TASP1: variants seen among roughly 807,000 people sequenced by gnomAD.
TASP1 encodes threonine aspartase 1.
Under a neutral mutation model 56.6 loss-of-function variants are expected in TASP1, and 16 were observed. That is an observed-to-expected ratio of 0.28 (90% CI 0.19 to 0.43). TASP1 has a LOEUF of 0.43. Ranked by LOEUF, TASP1 falls within the 20% of genes least tolerant of loss-of-function variation. The pLI, the probability that TASP1 is intolerant of heterozygous loss-of-function variation, is 1.00. For missense variants in TASP1, 393 were observed against 511.6 expected (o/e 0.77, Z 2.24); for synonymous variants, 179 against 184.2 (o/e 0.97, Z 0.23).
the TASP1 span, among the ~76,000 whole-genome samples, chr20:13,157,171 C>T: frequency 6.6e-6 from 1 of 151,824 alleles, no homozygotes; most frequent in Non-Finnish European, 1.5e-5. Flanking sequence ...GGTACGGTAG[C>T]TCATGCCTGT....
Position 13,470,391 on chromosome 20 carries a change from G to A in TASP1, c.985+12836C>T, listed in dbSNP as rs550472814. Among the ~76,000 whole-genome samples, 22 of 152,068 alleles carry A rather than the reference G, an allele frequency of 1.4e-4. No individual in the cohort carries two copies. The South Asian group carries it at 3.5e-3, about 24-fold the overall frequency. On this transcript the variant is annotated intron_variant, in intron 11 of 13. Coordinates refer to ENST00000337743, the MANE Select transcript of TASP1 (RefSeq NM_017714.3). ...TATTCTTGAAGGCTCTTATAAAACC[G>A]CATTCATTTTCTAAGTGACTGATAT...
downstream of TASP1, among the ~76,000 whole-genome samples, chr20:13,386,114 A>C (rs1404519627): frequency 6.6e-6 from 1 of 152,236 alleles, no homozygotes; most frequent in African/African-American, 2.4e-5. Flanking sequence ...GCATTGTCAT[A>C]GATTTCCCCA....
chr20:13,434,935 A>T (rs2042950658), intron 12 of TASP1, 109 bp downstream of exon 12: 1 of 679,018 alleles, frequency 1.5e-6, no homozygotes, highest in Non-Finnish European at 2.5e-6. Context: ...TCAATAAAGC[A>T]TGCTGACCCT....
the TASP1 span, among the ~76,000 whole-genome samples, chr20:13,378,910 T>C: frequency 2.4e-3 from 370 of 152,344 alleles, no homozygotes; most frequent in African/African-American, 8.7e-3. Context: ...GCTTTATTTT[T>C]GCTTTCAGTT....
chr20:13,146,415 G>A, the TASP1 span, among the ~76,000 whole-genome samples: 8 of 151,824 alleles, frequency 5.3e-5, no homozygotes, highest in Admixed American at 3.9e-4. Context: ...CATGTACCCC[G>A]AAACCTAAAA....
At position 13,494,123 on chromosome 20, in the gene TASP1, G is replaced by A. The variant is rs6074614; in HGVS notation, c.875-10786C>T. Reference sequence around the variant, plus strand: ...AGCCATAAAAGAAGCAACACTGTTTGTAATGTTCAGTTGATGCTCTTGTCA... The same window carrying A: ...AGCCATAAAAGAAGCAACACTGTTTATAATGTTCAGTTGATGCTCTTGTCA... On this transcript the variant is annotated intron_variant, in intron 10 of 13. Transcript: ENST00000337743. Among the ~76,000 whole-genome samples the A allele has an allele frequency of 7.2e-3, 1,104 of 152,340 alleles. 12 individuals carry two copies. The highest frequency in any genetic ancestry group is 0.011 in the Non-Finnish European group (779 of 68,036).
At chr20:13,281,573 A>G in the TASP1 span, among the ~76,000 whole-genome samples, 2 of 152,180 alleles carry the variant, frequency 1.3e-5, no homozygotes, top group Non-Finnish European at 2.9e-5. Flanking sequence ...GAGGGCTAAG[A>G]CCTGAGATTC....
chr20:13,368,042 T>A, the TASP1 span, among the ~76,000 whole-genome samples: 2 of 152,172 alleles, frequency 1.3e-5, no homozygotes, highest in Non-Finnish European at 2.9e-5. Context: ...ATCTTTAATA[T>A]TTTCACAAAT....
At chr20:13,192,258 C>G in the TASP1 span, among the ~76,000 whole-genome samples, 1 of 152,068 alleles carries the variant, frequency 6.6e-6, no homozygotes, top group African/African-American at 2.4e-5. Context: ...AGAACAGGGC[C>G]GGGAATGGCA....
the TASP1 span, among the ~76,000 whole-genome samples, chr20:13,302,099 G>A: frequency 2.0e-5 from 3 of 152,206 alleles, no homozygotes; most frequent in Non-Finnish European, 2.9e-5. Context: ...GCAAGTTATG[G>A]AGCCATGTCT....
chr20:13,395,086 T>C (rs1458013150), intron 13 of TASP1, among the ~76,000 whole-genome samples: 1 of 152,176 alleles, frequency 6.6e-6, no homozygotes. Flanking sequence ...TCTTGTATGG[T>C]TTCTAGGAAA....
Position 13,559,083 on chromosome 20 carries a change from CTT to C in TASP1, c.598_599del (p.Lys200GlufsTer24), listed in dbSNP as rs754069095. On this transcript the variant is annotated frameshift_variant, in exon 8 of 14. Transcript: ENST00000337743. LOFTEE classifies it high-confidence loss of function. ...RFSLAAFKRN[K>X]RKLELAERVD... ...CCCTTTCTGCCAGCTCTAGTTTCCT[CTT>C]GTTTCTTTTAAATGCAGCTAAACTG... 14 of 1,584,980 alleles carry C rather than the reference CTT, an allele frequency of 8.8e-6. No individual in the cohort carries two copies. Among genetic ancestry groups the C allele is most frequent in the South Asian group, 2.3e-5 (2 of 85,316 alleles).
chr20:13,146,280 A>T, the TASP1 span, among the ~76,000 whole-genome samples: 1 of 152,156 alleles, frequency 6.6e-6, no homozygotes, highest in Non-Finnish European at 1.5e-5. Flanking sequence ...TGCTTGAGGG[A>T]GGAGGGTGGG....
chr20:13,394,377 A>G (rs756855579), intron 13 of TASP1, among the ~76,000 whole-genome samples: 3 of 149,626 alleles, frequency 2.0e-5, no homozygotes, highest in Admixed American at 6.6e-5. Flanking sequence ...TTGGGAGGCC[A>G]AGGCGGGCGG....
At chr20:13,343,819 T>G in the TASP1 span, among the ~76,000 whole-genome samples, 1 of 152,078 alleles carries the variant, frequency 6.6e-6, no homozygotes, top group South Asian at 2.1e-4. Context: ...AGAAAGACAT[T>G]AGGGATCCCA....
At chr20:13,108,709 G>A in the TASP1 span, among the ~76,000 whole-genome samples, 3 of 152,170 alleles carry the variant, frequency 2.0e-5, no homozygotes, top group Non-Finnish European at 4.4e-5. Context: ...CAAGTAGCTG[G>A]GATTAGAGGT....
At chr20:13,349,747 T>G in the TASP1 span, among the ~76,000 whole-genome samples, 2 of 152,212 alleles carry the variant, frequency 1.3e-5, no homozygotes, top group East Asian at 3.8e-4. Context: ...AATTAATACA[T>G]GAGTTTATCA....
intron 8 of TASP1, among the ~76,000 whole-genome samples, chr20:13,542,160 T>C (rs1468497940): frequency 6.6e-6 from 1 of 151,738 alleles, no homozygotes; most frequent in East Asian, 1.9e-4. Context: ...CATAAGTATA[T>C]GGAAAAGTTG....
At chr20:13,114,286 G>C in the TASP1 span, among the ~76,000 whole-genome samples, 2 of 152,162 alleles carry the variant, frequency 1.3e-5, no homozygotes, top group Non-Finnish European at 2.9e-5. Context: ...TCAGTGTTCT[G>C]AACTGTATGT....
Sources: allele counts gnomAD v4.1 joint callset (sites outside exome capture counted in the v4.1 genomes callset), GRCh38; gene constraint gnomAD v4.1.1; transcripts MANE v1.5; gene names NCBI Gene and HGNC (gene_info 2026-07-23, HGNC 2026-07-21).